The following AFAP1L1 variants were observed in gnomAD, a reference collection of about 807,000 sequenced individuals.
AFAP1L1 encodes actin filament-associated protein 1-like 1.
In AFAP1L1, 77 loss-of-function variants were observed where a neutral mutation model predicts 99.8. That is an observed-to-expected ratio of 0.77 (90% CI 0.64 to 0.93). The LOEUF (loss-of-function observed/expected upper bound fraction) is 0.93, where lower values mean the gene tolerates loss of function less well. AFAP1L1 is among the 40% of genes least tolerant of loss of function. AFAP1L1 has a pLI of 0.00. For synonymous variants in AFAP1L1, 373 were observed against 395.3 expected (o/e 0.94, Z 0.67); for missense variants, 893 against 996.8 (o/e 0.90, Z 1.40).
intron 9 of AFAP1L1, among the ~76,000 whole-genome samples, chr5:149,312,549 A>AG (rs1199159099): frequency 6.6e-6 from 1 of 152,186 alleles, no homozygotes; most frequent in Non-Finnish European, 1.5e-5. Flanking sequence ...TGGGAGGCCA[A>AG]GGTGGGCACA....
At chr5:149,275,610 A>G (rs1212230018) in intron 1 of AFAP1L1, among the ~76,000 whole-genome samples, 3 of 151,930 alleles carry the variant, frequency 2.0e-5, no homozygotes, top group Non-Finnish European at 4.4e-5. Flanking sequence ...GGTTCATGCC[A>G]TTCTCCTGCC....
intron 18 of AFAP1L1, among the ~76,000 whole-genome samples, chr5:149,336,699 T>G (rs1420479376): frequency 6.6e-6 from 1 of 152,232 alleles, no homozygotes. Flanking sequence ...ACTCCCATGA[T>G]AACCCATTAA....
chr5:149,285,526 C>T (rs187638475), intron 1 of AFAP1L1, among the ~76,000 whole-genome samples: 5 of 152,236 alleles, frequency 3.3e-5, no homozygotes, highest in Non-Finnish European at 7.4e-5. Context: ...GAAGCCAAAT[C>T]CCAAGTTTGA....
At chr5:149,317,234 T>G (rs1458137787) in intron 11 of AFAP1L1, among the ~76,000 whole-genome samples, 1 of 152,180 alleles carries the variant, frequency 6.6e-6, no homozygotes, top group African/African-American at 2.4e-5. Flanking sequence ...CAGAGTGCGT[T>G]ATGGTAAAAA....
chr5:149,329,171 T>C (rs1244323705), intron 15 of AFAP1L1, among the ~76,000 whole-genome samples: 2 of 152,212 alleles, frequency 1.3e-5, no homozygotes, highest in Non-Finnish European at 2.9e-5. Flanking sequence ...AATAATATTA[T>C]CATTATTATC....
chr5:149,328,362 C>T (rs973565918), intron 15 of AFAP1L1, among the ~76,000 whole-genome samples: 10 of 152,196 alleles, frequency 6.6e-5, no homozygotes, highest in African/African-American at 2.4e-4. Flanking sequence ...TGAACTATGG[C>T]CTTGGCCCAG....
chr5:149,294,574 G>C (rs866945082), intron 1 of AFAP1L1, among the ~76,000 whole-genome samples: 1 of 152,174 alleles, frequency 6.6e-6, no homozygotes, highest in Non-Finnish European at 1.5e-5. Flanking sequence ...GATCCCTGCT[G>C]TTAATTCAGG....
Position 149,299,624 on chromosome 5 carries a change from G to T in AFAP1L1, c.132G>T (p.Leu44=). 1.2e-6 allele frequency: 2 copies of T among 1,614,128 alleles called. No homozygotes were observed. The highest frequency in any genetic ancestry group is 1.7e-6 in the Non-Finnish European group (2 of 1,180,008). The change falls in exon 2 of 19, where the codon CTG becomes CTT. Residue 44 remains leucine, a synonymous_variant. Transcript: ENST00000296721. The part of the protein sequence containing the change: ...KMAVASILQS[L]QPLPAKEVSY... ...CCGTGGCCTCCATCCTGCAGAGCCT[G>T]CAGCCCCTTCCAGGTTAGCCGCCAG...
chr5:149,310,974 T>G (rs1174073674), intron 8 of AFAP1L1, among the ~76,000 whole-genome samples: 2 of 152,208 alleles, frequency 1.3e-5, no homozygotes, highest in Non-Finnish European at 2.9e-5. Flanking sequence ...GGAAGGATTC[T>G]GGAGAGCACT....
At chr5:149,283,072 G>C (rs17723143) in intron 1 of AFAP1L1, among the ~76,000 whole-genome samples, 9,016 of 152,278 alleles carry the variant, frequency 0.059, 349 homozygotes, top group East Asian at 0.16. Flanking sequence ...CATCAGAAGA[G>C]CATTAGGAAA....
chr5:149,320,349 A>ATCATTGTCATTG lies in AFAP1L1; in HGVS notation c.1626-31_1626-20dup. ...ACGAAAGCACTGTAAGCTGCAAAGC[A>ATCATTGTCATTG]TCATTGTCATTGTCATTGTCATCGT... is the stretch of plus-strand genomic sequence containing the variant. On this transcript the variant is annotated intron_variant, in intron 13 of 18. Transcript: ENST00000296721. This position sits in a 1 kb window ranked among gnomAD's most constrained non-coding sequence, Gnocchi z 4.0. 1 of 1,592,216 alleles carries ATCATTGTCATTG rather than the reference A, an allele frequency of 6.3e-7. No homozygotes were observed. Among genetic ancestry groups the ATCATTGTCATTG allele is most frequent in the East Asian group, 2.2e-5 (1 of 44,774 alleles).
At chr5:149,311,746 G>A (rs899740021) in intron 8 of AFAP1L1, among the ~76,000 whole-genome samples, 3 of 152,110 alleles carry the variant, frequency 2.0e-5, no homozygotes, top group Admixed American at 1.3e-4. Context: ...ATCACTCTTC[G>A]CATCCATGGT....
At chr5:149,276,847 C>T (rs1442743917) in intron 1 of AFAP1L1, 1 of 152,200 alleles carries the variant, frequency 6.6e-6, no homozygotes. Context: ...TTGTTTGTAT[C>T]ACAGTGATCC....
At chr5:149,283,361 C>T (rs1755577958) in intron 1 of AFAP1L1, among the ~76,000 whole-genome samples, 1 of 152,136 alleles carries the variant, frequency 6.6e-6, no homozygotes, top group Non-Finnish European at 1.5e-5. Context: ...TTGGCTGGGA[C>T]ACATTGTTGA....
In AFAP1L1 at chr5:149,332,740, C is replaced by T. The variant is rs143616929; in HGVS notation, c.2021C>T (p.Ala674Val). 16 of 1,613,850 alleles carry T rather than the reference C, an allele frequency of 9.9e-6. No homozygotes were observed. In the African/African-American group the frequency reaches 1.9e-4, roughly 19 times the overall value. Reference sequence around the variant, plus strand: ...GAAGAAGCCGTGGCCACCCTGGAAGCTCAGTGTCGGGCAAAGGAGGAGCGC... The same window carrying T: ...GAAGAAGCCGTGGCCACCCTGGAAGTTCAGTGTCGGGCAAAGGAGGAGCGC... ...ALEEAVATLE[A>V]QCRAKEERRI... Residue 674 changes from alanine (A) to valine (V), a missense_variant, in exon 17 of 19, where the codon GCT (alanine) becomes GTT (valine). By Grantham distance (64) the Ala-to-Val change is moderately conservative. Transcript: ENST00000296721.
At position 149,320,518 on chromosome 5, in the gene AFAP1L1, C is replaced by A; in HGVS notation, c.1698+55C>A. ...TGGCAAAGGCCACTTATTAGCTCTC[C>A]CTCTTTCTGCTCCCTTTACCTTCTG... On this transcript the variant is annotated intron_variant, in intron 14 of 18. Coordinates refer to ENST00000296721, the MANE Select transcript of AFAP1L1 (RefSeq NM_152406.4). This position sits in a 1 kb window ranked among gnomAD's most constrained non-coding sequence, Gnocchi z 4.0. 3 of 1,491,386 alleles carry A rather than the reference C, an allele frequency of 2.0e-6. No individual in the cohort carries two copies. The highest frequency in any genetic ancestry group is 2.8e-6 in the Non-Finnish European group (3 of 1,069,664). 92.4% of individuals were successfully genotyped at this position (1,491,386 alleles called of 1,614,324 possible). A position where few individuals can be genotyped will look rare whatever the true frequency, so the allele number is the denominator to read the frequency against.
chr5:149,298,647 C>T (rs750149939), intron 1 of AFAP1L1, among the ~76,000 whole-genome samples: 1 of 152,188 alleles, frequency 6.6e-6, no homozygotes, highest in African/African-American at 2.4e-5. Flanking sequence ...CAGGGCAATA[C>T]TACTGTGATG....
intron 1 of AFAP1L1, among the ~76,000 whole-genome samples, chr5:149,274,491 C>A (rs1755246910): frequency 2.0e-5 from 3 of 152,184 alleles, no homozygotes; most frequent in Admixed American, 2.0e-4. Flanking sequence ...TGTCTGGCTC[C>A]TCAGTTCTCT....
chr5:149,299,715 T>C lies in AFAP1L1; in HGVS notation c.145+78T>C. ...ACCTCCCTTCACTGACTCAAGAACA[T>C]GCAGGAACCCTCCGCCCCACCCCCA... On this transcript the variant is annotated intron_variant, in intron 2 of 18. Coordinates refer to ENST00000296721, the MANE Select transcript of AFAP1L1 (RefSeq NM_152406.4). 3.1e-6 allele frequency: 5 copies of C among 1,592,542 alleles called. No homozygotes were observed. The East Asian group carries it at 9.0e-5, about 29-fold the overall frequency.
Sources: allele counts gnomAD v4.1 joint callset (sites outside exome capture counted in the v4.1 genomes callset), GRCh38; gene constraint gnomAD v4.1.1; non-coding constraint Gnocchi (gnomAD v3.1); transcripts MANE v1.5; gene names NCBI Gene and HGNC (gene_info 2026-07-23, HGNC 2026-07-21).